The following RILPL1 variants were observed in gnomAD, a reference collection of about 807,000 sequenced individuals.
RILPL1 encodes RILP-like protein 1.
RILPL1 carries 33 observed loss-of-function variants against 50.3 expected under a neutral mutation model. The observed-to-expected ratio is 0.66, with a 90% CI of 0.50 to 0.88. The LOEUF (loss-of-function observed/expected upper bound fraction) is 0.88. Ranked by LOEUF, RILPL1 falls within the 40% of genes least tolerant of loss-of-function variation. The pLI is 0.00. For missense variants in RILPL1, 418 were observed against 542.5 expected (o/e 0.77, Z 2.28); for synonymous variants, 205 against 228.6 (o/e 0.90, Z 0.93).
intron 2 of RILPL1, chr12:123,518,310 C>G (rs1884824675): frequency 2.4e-6 from 1 of 420,372 alleles, no homozygotes; most frequent in African/African-American, 2.1e-5. Context: ...TTCAGACCAG[C>G]CTGGGCAACA....
At chr12:123,516,788 CTA>C (rs2139374780) in intron 2 of RILPL1, among the ~76,000 whole-genome samples, 1 of 152,282 alleles carries the variant, frequency 6.6e-6, no homozygotes, top group East Asian at 1.9e-4. Context: ...AAGTTGAGCG[CTA>C]TGCCTCATGC....
In RILPL1 at chr12:123,472,443, C is replaced by T. The variant is rs773941323; in HGVS notation, c.*95G>A. The T allele has an allele frequency of 4.9e-5, 69 of 1,397,624 alleles. No homozygotes were observed. The highest frequency in any genetic ancestry group is 1.0e-4 in the East Asian group (4 of 39,826). The allele number at this position is 1,397,624 out of a possible 1,614,324, so 86.6% of individuals were successfully genotyped here. On this transcript the variant is annotated 3_prime_UTR_variant, in exon 7 of 7. Transcript: ENST00000376874. ...GTCAGTTTTCAGGGTGCATCTGCAC[C>T]GAGAGGCTTGAGGCAGCAATGACCC...
At chr12:123,507,831 C>T (rs1355227041) in intron 2 of RILPL1, among the ~76,000 whole-genome samples, 1 of 150,544 alleles carries the variant, frequency 6.6e-6, no homozygotes, top group African/African-American at 2.4e-5. Context: ...ATCCCAGCTA[C>T]CCAGGAGGCT....
In RILPL1 at chr12:123,498,223, C is replaced by T. The variant is rs1261643169; in HGVS notation, c.801+321G>A. Among the ~76,000 whole-genome samples, 3 of 151,760 alleles carry T rather than the reference C, an allele frequency of 2.0e-5. No individual in the cohort carries two copies. Among genetic ancestry groups the T allele is most frequent in the Non-Finnish European group, 4.4e-5 (3 of 67,908 alleles). On this transcript the variant is annotated intron_variant, in intron 4 of 6. Coordinates refer to ENST00000376874, the MANE Select transcript of RILPL1 (RefSeq NM_178314.5). The surrounding 1 kb of genome is among the most constrained non-coding windows in gnomAD (Gnocchi z 4.3). ...TCTCGTTTTTTCTCTCTCTCTCTCTCTCTTTTTTTTTTAGACAGGTCTGGC... is the reference window on the plus strand; with the variant it reads ...TCTCGTTTTTTCTCTCTCTCTCTCTTTCTTTTTTTTTTAGACAGGTCTGGC...
chr12:123,508,340 G>A (rs1187634048), intron 2 of RILPL1, among the ~76,000 whole-genome samples: 1 of 152,146 alleles, frequency 6.6e-6, no homozygotes, highest in Non-Finnish European at 1.5e-5. Flanking sequence ...GCTGCAGTGA[G>A]CTATGATTGT....
At chr12:123,494,527 C>T (rs1389348655) in intron 4 of RILPL1, among the ~76,000 whole-genome samples, 1 of 152,194 alleles carries the variant, frequency 6.6e-6, no homozygotes, top group Admixed American at 6.5e-5. Flanking sequence ...TGGAACAGCG[C>T]TGGGAGTCTC....
chr12:123,509,431 C>T (rs547595979), intron 2 of RILPL1, among the ~76,000 whole-genome samples: 5 of 152,052 alleles, frequency 3.3e-5, no homozygotes, highest in South Asian at 4.2e-4. Flanking sequence ...GGCATGGTGG[C>T]GCATGCCTGT....
chr12:123,483,139 C>T (rs901829079), intron 6 of RILPL1, among the ~76,000 whole-genome samples: 5 of 152,102 alleles, frequency 3.3e-5, no homozygotes, highest in African/African-American at 9.7e-5. Flanking sequence ...AGAACTGAAA[C>T]CTCTTCTGTA....
intron 2 of RILPL1, among the ~76,000 whole-genome samples, chr12:123,510,875 A>AGT (rs1366316589): frequency 6.2e-5 from 4 of 64,952 alleles, no homozygotes; most frequent in African/African-American, 2.5e-4. Flanking sequence ...GTCTGTGTGC[A>AGT]GTGTGTGTGT....
At position 123,533,481 on chromosome 12, in the gene RILPL1, ATGGCCACCCTCC is replaced by A. The variant is rs1885524242; in HGVS notation, c.-11_1del. ...CAGCGCCGACCCCCGCTCCTCCTCC[ATGGCCACCCTCC>A]TGGCCTGTCCCCCGCCCCGCAAACT... On this transcript the variant is annotated start_lost and start_retained_variant and 5_prime_UTR_variant, in exon 1 of 7. Transcript: ENST00000376874. The surrounding 1 kb of genome is among the most constrained non-coding windows in gnomAD (Gnocchi z 6.2). The A allele has an allele frequency of 2.0e-6, 3 of 1,522,784 alleles. No homozygotes were observed. Among genetic ancestry groups the A allele is most frequent in the Non-Finnish European group, 2.6e-6 (3 of 1,133,646 alleles). 94.3% of individuals were successfully genotyped at this position (1,522,784 alleles called of 1,614,324 possible). A position where few individuals can be genotyped will look rare whatever the true frequency, so the allele number is the denominator to read the frequency against.
chr12:123,500,025 G>A (rs1307222908), intron 2 of RILPL1, among the ~76,000 whole-genome samples: 8 of 150,488 alleles, frequency 5.3e-5, no homozygotes, highest in Admixed American at 4.7e-4. Context: ...TCCTCCTCCC[G>A]GGTTCACACC....
intron 2 of RILPL1, among the ~76,000 whole-genome samples, chr12:123,504,840 G>A (rs896803832): frequency 3.3e-5 from 5 of 151,908 alleles, no homozygotes; most frequent in Admixed American, 6.6e-5. Flanking sequence ...TCCAGATCCC[G>A]TGTCTTCTCC....
intron 4 of RILPL1, among the ~76,000 whole-genome samples, chr12:123,497,334 T>C (rs1475449400): frequency 6.6e-6 from 1 of 152,152 alleles, no homozygotes; most frequent in Non-Finnish European, 1.5e-5. Context: ...TCCTCCTGCC[T>C]CATCTTCCCA....
chr12:123,520,063 A>G (rs548591320), intron 2 of RILPL1, among the ~76,000 whole-genome samples: 2 of 152,282 alleles, frequency 1.3e-5, no homozygotes, highest in Non-Finnish European at 2.9e-5. Flanking sequence ...TAGTTTCCCT[A>G]TGGCCCAGCA....
At chr12:123,524,469 T>A (rs1319982543) in intron 1 of RILPL1, among the ~76,000 whole-genome samples, 1 of 152,124 alleles carries the variant, frequency 6.6e-6, no homozygotes, top group Admixed American at 6.6e-5. Context: ...AATGTCCACA[T>A]GAAAACGCGT....
At chr12:123,501,309 G>A (rs955727801) in intron 2 of RILPL1, among the ~76,000 whole-genome samples, 1 of 151,600 alleles carries the variant, frequency 6.6e-6, no homozygotes, top group Admixed American at 6.6e-5. Context: ...GCCAAGCGTG[G>A]TGGTGTCCAC....
At chr12:123,517,730 T>C (rs1170484050) in intron 2 of RILPL1, among the ~76,000 whole-genome samples, 1 of 152,138 alleles carries the variant, frequency 6.6e-6, no homozygotes. Flanking sequence ...GAGAGCACCG[T>C]TGAGCTCAAC....
At chr12:123,521,207 AC>A (rs1884988030) in intron 2 of RILPL1, among the ~76,000 whole-genome samples, 1 of 151,864 alleles carries the variant, frequency 6.6e-6, no homozygotes. Context: ...CATTGATTTT[AC>A]CCTCATGACA....
At position 123,528,358 on chromosome 12, in the gene RILPL1, CA is replaced by C. The variant is rs35456386; in HGVS notation, c.310-4714del. On this transcript the variant is annotated intron_variant, in intron 1 of 6. Transcript: ENST00000376874. ...TGGGCAACAGAGTGAGATGCTGTCT[CA>C]AAAAAAAAAAAAAGATAACACATTT... Among the ~76,000 whole-genome samples, 685 of 130,270 alleles carry C rather than the reference CA, an allele frequency of 5.3e-3. 4 individuals carry two copies. Among genetic ancestry groups the C allele is most frequent in the African/African-American group, 0.018 (613 of 34,086 alleles). 85.5% of individuals were successfully genotyped at this position (130,270 alleles called of 152,430 possible).
Sources: gnomAD v4.1 joint callset for allele counts (sites outside exome capture counted in the v4.1 genomes callset) on GRCh38, gnomAD v4.1.1 for gene constraint, Gnocchi (gnomAD v3.1) non-coding constraint, MANE v1.5 for transcripts, NCBI Gene and HGNC (gene_info 2026-07-23, HGNC 2026-07-21) for gene names.